The following ABCA4 variants were observed in gnomAD, a reference collection of about 807,000 sequenced individuals.
ABCA4 encodes retinal-specific phospholipid-transporting ATPase ABCA4.
A neutral mutation model predicts 263.7 loss-of-function variants in ABCA4; 196 were observed. The ratio of observed to expected loss-of-function variants is 0.74; its 90% CI spans 0.66 to 0.84. The LOEUF is 0.84. Among genes scored for constraint, ABCA4 ranks in the 40% least tolerant of loss-of-function variants. The probability of loss-of-function intolerance (pLI) is 0.00; values close to 1 mark genes in which losing one functional copy is unlikely to be tolerated. For missense variants in ABCA4, 2,792 were observed against 2,855.1 expected, an observed-to-expected ratio of 0.98 and a Z score of 0.50; for synonymous variants, 1,133 against 1,094.2, an observed-to-expected ratio of 1.04 and a Z score of -0.70.
rs768241038 is a variant in ABCA4, at chr1:94,055,209, T to C, written c.2489A>G (p.Glu830Gly). The C allele has an allele frequency of 1.2e-6, 2 of 1,613,970 alleles. No individual in the cohort carries two copies. The highest frequency in any genetic ancestry group is 2.7e-5 in the African/African-American group (2 of 74,896). Residue 830 changes from glutamate (E) to glycine (G), a missense_variant, in exon 16 of 50, where the codon GAA becomes GGA. Coordinates refer to ENST00000370225, the MANE Select transcript of ABCA4 (RefSeq NM_000350.3). ...CAGCAGGAAGCTGAATTCGTCCCCT[T>C]CCGTGGGACTGTTCCCGATGTTGCT... ...QWSNIGNSPT[E>G]GDEFSFLLSM...
In ABCA4 at chr1:94,044,841, A is replaced by G. The variant is rs960963328; in HGVS notation, c.2919-97T>C. On this transcript the variant is annotated intron_variant, in intron 19 of 49. Coordinates refer to ENST00000370225, the MANE Select transcript of ABCA4 (RefSeq NM_000350.3). The stretch of plus-strand genomic sequence containing the variant: ...CCAGGTTCAGTGAGAACTCTCACAG[A>G]TTCCTGCCTGGGGCTGTCAGTCAAA... The G allele has an allele frequency of 4.4e-6, 7 of 1,587,324 alleles. No homozygotes were observed. The African/African-American group carries it at 9.4e-5, about 21-fold the overall frequency.
chr1:94,105,172 C>T (rs1408999596), intron 4 of ABCA4, among the ~76,000 whole-genome samples: 1 of 152,208 alleles, frequency 6.6e-6, no homozygotes, highest in Non-Finnish European at 1.5e-5. Context: ...TAAAGACTGA[C>T]ATCCAATCAG....
intron 6 of ABCA4, among the ~76,000 whole-genome samples, chr1:94,090,200 C>T (rs1335978513): frequency 6.6e-6 from 1 of 152,188 alleles, no homozygotes; most frequent in Non-Finnish European, 1.5e-5. Flanking sequence ...TTTGTTTTCT[C>T]TCATCAACGG....
intron 14 of ABCA4, among the ~76,000 whole-genome samples, chr1:94,060,284 G>T (rs1381757947): frequency 6.6e-6 from 1 of 152,202 alleles, no homozygotes; most frequent in Non-Finnish European, 1.5e-5. Context: ...TCACGGAATG[G>T]GACTGGGAAG....
At chr1:94,114,887 C>G (rs750802458) in intron 1 of ABCA4, among the ~76,000 whole-genome samples, 2 of 152,242 alleles carry the variant, frequency 1.3e-5, no homozygotes, top group Non-Finnish European at 2.9e-5. Flanking sequence ...ACAGGAACCT[C>G]ATCTGTCGTT....
At chr1:94,082,826 A>G (rs547329925) in intron 7 of ABCA4, among the ~76,000 whole-genome samples, 1 of 152,172 alleles carries the variant, frequency 6.6e-6, no homozygotes, top group African/African-American at 2.4e-5. Flanking sequence ...ATCCATTTCT[A>G]TATGGGAGGA....
chr1:94,087,910 C>A (rs951425995), intron 6 of ABCA4, among the ~76,000 whole-genome samples: 1 of 152,304 alleles, frequency 6.6e-6, no homozygotes, highest in South Asian at 2.1e-4. Flanking sequence ...CTTCGCCAGC[C>A]CTTCCATCAC....
intron 17 of ABCA4, among the ~76,000 whole-genome samples, chr1:94,049,347 C>T (rs766768066): frequency 2.0e-5 from 3 of 152,148 alleles, no homozygotes; most frequent in African/African-American, 4.8e-5. Context: ...ATTCAGGGGC[C>T]GGATGTGGTG....
In ABCA4 at chr1:94,001,870, C is replaced by T. The variant is rs755217474; in HGVS notation, c.6270G>A (p.Pro2090=). ...AGCCCGCAGTTACCAGCAGCACCAG[C>T]GGTGGGCAGCCAATGAGTGCGATGG... is the stretch of plus-strand genomic sequence containing the variant. ...STAIALIGCP[P]LVLLDEPTTG... The change falls in exon 45 of 50, where the codon CCG becomes CCA. Residue 2090 remains proline (P), a synonymous_variant. Coordinates refer to ENST00000370225, the MANE Select transcript of ABCA4 (RefSeq NM_000350.3). The T allele has an allele frequency of 9.9e-6, 16 of 1,614,118 alleles. No individual in the cohort carries two copies. Among genetic ancestry groups the T allele is most frequent in the Admixed American group, 8.3e-5 (5 of 60,014 alleles).
chr1:94,118,597 G>A (rs1227211180), intron 1 of ABCA4, among the ~76,000 whole-genome samples: 2 of 152,228 alleles, frequency 1.3e-5, no homozygotes, highest in Non-Finnish European at 2.9e-5. Flanking sequence ...CTGGAATGTG[G>A]TAGCAGGTGG....
chr1:94,019,019 GT>G (rs757258025), intron 36 of ABCA4, among the ~76,000 whole-genome samples: 5,664 of 76,006 alleles, frequency 0.075, 225 homozygotes, highest in African/African-American at 0.14. Flanking sequence ...AAACAACCAG[GT>G]TTTTTTTTTT....
At chr1:93,997,219 C>A (rs1167970714) in intron 48 of ABCA4, among the ~76,000 whole-genome samples, 1 of 152,156 alleles carries the variant, frequency 6.6e-6, no homozygotes, top group Non-Finnish European at 1.5e-5. Flanking sequence ...GCACGTTTAT[C>A]AAAACTCACT....
Position 94,077,732 on chromosome 1 carries a change from G to A in ABCA4, c.1512C>T (p.Asn504=). Residue 504 remains asparagine, a synonymous_variant, in exon 11 of 50, where the codon AAC becomes AAT. Transcript: ENST00000370225. ...MANFDWRDIF[N]ITDRTLRLVN... is the part of the protein sequence containing the mutation. ...CCAGGCGGAGGGTGCGATCAGTGAT[G>A]TTAAATATGTCCCTCCAGTCGAAGT... The A allele has an allele frequency of 1.2e-6, 2 of 1,614,160 alleles. No homozygotes were observed. Among genetic ancestry groups the A allele is most frequent in the Non-Finnish European group, 1.7e-6 (2 of 1,180,020 alleles).
rs61749433 is a variant in ABCA4 at position 94,055,237 on chromosome 1, A to T, written c.2461T>A (p.Trp821Arg). ...GTGGGACTGTTCCCGATGTTGCTCC[A>T]CTGCAGCCCCAGGCCTTGCTCTTCA... ...RFEEQGLGLQ[W>R]SNIGNSPTEG... The change falls in exon 16 of 50, where the codon TGG becomes AGG. Residue 821 changes from tryptophan (W) to arginine (R), a missense_variant. Transcript: ENST00000370225. The T allele has an allele frequency of 8.1e-6, 13 of 1,614,066 alleles. No individual in the cohort carries two copies. Among genetic ancestry groups the T allele is most frequent in the African/African-American group, 1.3e-5 (1 of 74,930 alleles).
chr1:94,114,440 A>G (rs376544473), intron 1 of ABCA4, among the ~76,000 whole-genome samples: 18 of 151,936 alleles, frequency 1.2e-4, no homozygotes, highest in East Asian at 3.9e-4. Flanking sequence ...GGAAGCGCGC[A>G]CACACACACA....
At position 94,111,536 on chromosome 1, in the gene ABCA4, C is replaced by T. The variant is rs201725352; in HGVS notation, c.204G>A (p.Pro68=). ...NKAMPSAGML[P]WLQGIFCNVN... ...CATTGCAGAAGATCCCCTGGAGCCA[C>T]GGCAGCATTCCTGCTGAGGGCATCG... The change falls in exon 3 of 50, where the codon CCG becomes CCA. Residue 68 remains proline, a synonymous_variant. Transcript: ENST00000370225. The T allele has an allele frequency of 9.9e-6, 16 of 1,614,086 alleles. No individual in the cohort carries two copies. The highest frequency in any genetic ancestry group is 4.4e-5 in the South Asian group (4 of 91,090).
Position 94,014,552 on chromosome 1 carries a change from C to T in ABCA4, c.5451G>A (p.Glu1817=), listed in dbSNP as rs1029950404. The T allele has an allele frequency of 9.3e-6, 15 of 1,614,064 alleles. 1 individual carries two copies. In the East Asian group the frequency reaches 2.9e-4, roughly 31 times the overall value. ...SAITFILELF[E]NNRTLLRFNA... is the part of the protein sequence containing the mutation. ...AGAAAGTTATGCTCACCCGGTTATT[C>T]TCAAATAATTCCAAGATGAAGGTAA... is the stretch of plus-strand genomic sequence containing the variant. The change falls in exon 38 of 50, where the codon GAG becomes GAA. Residue 1817 remains glutamate, a synonymous_variant. Transcript: ENST00000370225.
At chr1:94,107,263 G>A (rs755354661) in intron 4 of ABCA4, among the ~76,000 whole-genome samples, 10 of 152,040 alleles carry the variant, frequency 6.6e-5, no homozygotes, top group East Asian at 1.9e-4. Context: ...AGCTGCTTTC[G>A]TGGCCTCTGA....
At position 94,005,333 on chromosome 1, in the gene ABCA4, A is replaced by G; in HGVS notation, c.6147+108T>C. On this transcript the variant is annotated intron_variant, in intron 44 of 49. Transcript: ENST00000370225. The stretch of plus-strand genomic sequence containing the variant: ...ACATAGTAAACATTTGTTGGAATGA[A>G]TGAATGAATAGCACGCTTCAGTTTC... The G allele has an allele frequency of 5.0e-6, 7 of 1,405,998 alleles. No homozygotes were observed. In the South Asian group the frequency reaches 5.9e-5, roughly 12 times the overall value. 87.1% of individuals were successfully genotyped at this position (1,405,998 alleles called of 1,614,324 possible). A position where few individuals can be genotyped will look rare whatever the true frequency, so the allele number is the denominator to read the frequency against.
Sources: allele counts gnomAD v4.1 joint callset (sites outside exome capture counted in the v4.1 genomes callset), GRCh38; gene constraint gnomAD v4.1.1; transcripts MANE v1.5; gene names NCBI Gene and HGNC (gene_info 2026-07-23, HGNC 2026-07-21).